PCDH11Y: variants seen among roughly 807,000 people sequenced by gnomAD.
PCDH11Y encodes protocadherin 11 Y-linked, also known as protocadherin-11 Y-linked.
For missense variants in PCDH11Y, 12 were observed against 224.8 expected (o/e 0.05, Z 6.05); for synonymous variants, 9 against 83.6 (o/e 0.11, Z 4.87).
intron 2 of PCDH11Y, among the ~76,000 whole-genome samples, chrY:5,267,124 A>G: frequency 3.7e-5 from 1 of 27,244 alleles, no homozygotes; most frequent in Non-Finnish European, 8.4e-5. Flanking sequence ...TTAGCTATTT[A>G]TTGGCTACTT....
At chrY:5,339,327 C>CATTTATTTATTT (rs762729992) in intron 2 of PCDH11Y, among the ~76,000 whole-genome samples, 8 of 29,708 alleles carry the variant, frequency 2.7e-4, no homozygotes, top group African/African-American at 1.0e-3. Flanking sequence ...CTGTCCTTTC[C>CATTTATTTATTT]ATTTATTTAT....
At chrY:5,202,867 G>A in intron 2 of PCDH11Y, among the ~76,000 whole-genome samples, 1 of 31,832 alleles carries the variant, frequency 3.1e-5, no homozygotes, top group African/African-American at 1.2e-4. Context: ...CCCAACTCAT[G>A]TAATAATTCC....
chrY:5,516,889 G>A, intron 3 of PCDH11Y, among the ~76,000 whole-genome samples: 1 of 33,141 alleles, frequency 3.0e-5, no homozygotes, highest in Admixed American at 2.8e-4. Context: ...CACTTAAGTT[G>A]CTTTTCAAAT....
At chrY:5,298,060 A>C in intron 2 of PCDH11Y, among the ~76,000 whole-genome samples, 1 of 34,003 alleles carries the variant, frequency 2.9e-5, no homozygotes, top group Admixed American at 2.7e-4. Flanking sequence ...TCCATATCTA[A>C]TACAATGAGT....
At chrY:5,633,617 G>A (rs2053514036) in intron 4 of PCDH11Y, among the ~76,000 whole-genome samples, 1 of 32,642 alleles carries the variant, frequency 3.1e-5, no homozygotes, top group Admixed American at 2.8e-4. Context: ...CCTTTAAATC[G>A]CCCACTGGGT....
chrY:5,573,334 C>A, intron 3 of PCDH11Y: 2 of 269,026 alleles, frequency 7.4e-6, no homozygotes, highest in Non-Finnish European at 1.1e-5. Context: ...GGGGGCCTGG[C>A]CGCGGGGATG....
rs1569348643 is a variant in PCDH11Y, at chrY:5,597,217, GCAAA to G, written c.3352+15423_3352+15426del. Among the ~76,000 whole-genome samples, 147 of 29,303 alleles carry G rather than the reference GCAAA, an allele frequency of 5.0e-3. No homozygotes were observed. The East Asian group carries it at 0.066, about 13-fold the overall frequency. The allele number at this position is 29,303 out of a possible 37,273, so 78.6% of individuals were successfully genotyped here. Reference sequence around the variant, plus strand: ...AATGTGGAACCAGCCCAAATGCCCAGCAAACAATGAGTGAATAAAGAAAATCTGT... The same window carrying G: ...AATGTGGAACCAGCCCAAATGCCCAGCAATGAGTGAATAAAGAAAATCTGT... On this transcript the variant is annotated intron_variant, in intron 4 of 4. Coordinates refer to the PCDH11Y transcript ENST00000400457.
intron 3 of PCDH11Y, among the ~76,000 whole-genome samples, chrY:5,519,807 A>C (rs2053378325): frequency 7.5e-5 from 2 of 26,711 alleles, no homozygotes; most frequent in African/African-American, 1.5e-4. Flanking sequence ...TTATTATTAA[A>C]ATTTTCAATC....
chrY:5,588,713 C>A, intron 4 of PCDH11Y, among the ~76,000 whole-genome samples: 1 of 33,280 alleles, frequency 3.0e-5, no homozygotes. Context: ...TGTATTGGTG[C>A]TCCATTGTAT....
upstream of PCDH11Y, among the ~76,000 whole-genome samples, chrY:5,052,364 C>G (rs1602850760): frequency 3.4e-3 from 111 of 32,901 alleles, no homozygotes; most frequent in African/African-American, 0.012. Flanking sequence ...ACAAATGAAA[C>G]CAGCACTATA....
intron 2 of PCDH11Y, among the ~76,000 whole-genome samples, chrY:5,228,670 G>A (rs1602889652): frequency 3.1e-4 from 10 of 32,694 alleles, no homozygotes; most frequent in African/African-American, 7.1e-4. Flanking sequence ...TCTTAATTTC[G>A]TCATTGACCT....
At chrY:5,049,903 G>C in intron 3 of PCDH11Y, among the ~76,000 whole-genome samples, 1 of 32,451 alleles carries the variant, frequency 3.1e-5, no homozygotes, top group Admixed American at 2.8e-4. Flanking sequence ...TCACATTTAT[G>C]GTTCAGTTGT....
intron 4 of PCDH11Y, among the ~76,000 whole-genome samples, chrY:5,683,328 A>G: frequency 3.0e-5 from 1 of 33,343 alleles, no homozygotes; most frequent in African/African-American, 1.2e-4. Context: ...ACACCAAAAA[A>G]TGGAAATATA....
chrY:5,678,640 T>TAC (rs778323664), intron 4 of PCDH11Y, among the ~76,000 whole-genome samples: 29 of 31,558 alleles, frequency 9.2e-4, no homozygotes, highest in South Asian at 2.1e-3. Context: ...CAAGTATCTT[T>TAC]ACACACACAC....
At chrY:5,392,263 G>GCA (rs2053222064) in intron 2 of PCDH11Y, among the ~76,000 whole-genome samples, 1 of 30,168 alleles carries the variant, frequency 3.3e-5, no homozygotes, top group African/African-American at 1.3e-4. Context: ...CCAGCTACTT[G>GCA]GGAGGCTGAG....
intron 1 of PCDH11Y, among the ~76,000 whole-genome samples, chrY:5,066,116 C>A (rs9786347): frequency 0.14 from 3,836 of 26,498 alleles, no homozygotes; most frequent in African/African-American, 0.57. Context: ...CTATAACAAG[C>A]CTTTCCTGGA....
intron 3 of PCDH11Y, among the ~76,000 whole-genome samples, chrY:5,507,601 A>G (rs2053360196): frequency 3.1e-5 from 1 of 32,610 alleles, no homozygotes; most frequent in Admixed American, 2.9e-4. Context: ...TATAATATGG[A>G]TTAGATAGAG....
intron 2 of PCDH11Y, among the ~76,000 whole-genome samples, chrY:5,134,686 T>C: frequency 3.0e-5 from 1 of 32,816 alleles, no homozygotes; most frequent in Non-Finnish European, 7.4e-5. Context: ...ATTCCAGGGA[T>C]AAATCCCACT....
intron 2 of PCDH11Y, among the ~76,000 whole-genome samples, chrY:5,425,286 G>A (rs2124679912): frequency 3.0e-5 from 1 of 33,028 alleles, no homozygotes; most frequent in East Asian, 8.0e-4. Flanking sequence ...TGAGTTTTCC[G>A]AGTAACCCAA....
Sources: gnomAD v4.1 joint callset for allele counts (sites outside exome capture counted in the v4.1 genomes callset) on GRCh38, gnomAD v4.1.1 for gene constraint, MANE v1.5 for transcripts, NCBI Gene and HGNC (gene_info 2026-07-23, HGNC 2026-07-21) for gene names.